The following DHRS12 variants were observed in gnomAD, a reference collection of about 807,000 sequenced individuals.
The protein encoded by DHRS12 is dehydrogenase/reductase 12, also known as dehydrogenase/reductase SDR family member 12.
A neutral mutation model predicts 32.1 loss-of-function variants in DHRS12; 29 were observed. The observed-to-expected ratio is 0.90, with a 90% CI of 0.67 to 1.23. DHRS12 has a LOEUF of 1.23. DHRS12 is among the 50% of genes most tolerant of loss of function. The pLI, the probability that DHRS12 is intolerant of heterozygous loss-of-function variation, is 0.00. For synonymous variants in DHRS12, 150 were observed against 135.9 expected (o/e 1.10, Z -0.72); for missense variants, 330 against 337.2 (o/e 0.98, Z 0.17).
At chr13:51,796,859 T>A (rs546141485) in intron 2 of DHRS12, among the ~76,000 whole-genome samples, 1 of 152,206 alleles carries the variant, frequency 6.6e-6, no homozygotes, top group Non-Finnish European at 1.5e-5. Context: ...CCTGATGGCA[T>A]GAGACTGGGG....
the DHRS12 span, chr13:51,761,472 T>C: frequency 6.6e-6 from 1 of 152,148 alleles, no homozygotes; most frequent in African/African-American, 2.4e-5. Flanking sequence ...AGCTCACCAG[T>C]CTCTTGAGGA....
At chr13:51,803,985 C>A in intron 1 of DHRS12, 69 bp downstream of exon 1, 1 of 1,355,938 alleles carries the variant, frequency 7.4e-7, no homozygotes, top group Non-Finnish European at 9.5e-7. Context: ...TCCCCGCCAA[C>A]CCTGCTCGCC....
chr13:51,795,643 C>A (rs539642800), intron 2 of DHRS12, among the ~76,000 whole-genome samples: 1 of 152,284 alleles, frequency 6.6e-6, no homozygotes, highest in Admixed American at 6.5e-5. Context: ...GAAACTACCA[C>A]CAGCCCTAGG....
chr13:51,783,756 G>A (rs1014332940), intron 4 of DHRS12, among the ~76,000 whole-genome samples: 2 of 152,182 alleles, frequency 1.3e-5, no homozygotes, highest in African/African-American at 4.8e-5. Flanking sequence ...ATCACAGTCT[G>A]CACCCCTTGG....
chr13:51,768,104 G>T lies in DHRS12; in HGVS notation c.*83C>A. ...CGTCTTCGAGGGGAAGTTGAAGTGG[G>T]GTCTTCTTATTCACTGGTCCCTAGA... On this transcript the variant is annotated 3_prime_UTR_variant, in exon 9 of 9. Transcript: ENST00000444610. The T allele has an allele frequency of 1.6e-5, 24 of 1,508,902 alleles. No individual in the cohort carries two copies. Among genetic ancestry groups the T allele is most frequent in the Non-Finnish European group, 1.9e-5 (22 of 1,134,026 alleles). 93.5% of individuals were successfully genotyped at this position (1,508,902 alleles called of 1,614,324 possible). A position where few individuals can be genotyped will look rare whatever the true frequency, so the allele number is the denominator to read the frequency against.
chr13:51,771,199 C>T (rs936949327), intron 7 of DHRS12: 7 of 1,549,822 alleles, frequency 4.5e-6, no homozygotes, highest in East Asian at 4.9e-5. Context: ...CTTGGCGCCG[C>T]GGGTGCACCC....
At chr13:51,797,809 G>A (rs1955575813) in intron 2 of DHRS12, 3 of 1,534,136 alleles carry the variant, frequency 2.0e-6, no homozygotes, top group African/African-American at 1.4e-5. Context: ...CAGCAGGAGG[G>A]GTGAGGAGCT....
At chr13:51,755,716 C>T in the DHRS12 span, among the ~76,000 whole-genome samples, 1 of 152,176 alleles carries the variant, frequency 6.6e-6, no homozygotes, top group Non-Finnish European at 1.5e-5. Context: ...TTGCAGTGCA[C>T]CTTACAATTA....
intron 2 of DHRS12, among the ~76,000 whole-genome samples, chr13:51,793,489 G>A (rs1955374164): frequency 6.6e-6 from 1 of 152,186 alleles, no homozygotes; most frequent in South Asian, 2.1e-4. Flanking sequence ...TTTCTCACCT[G>A]AGACAAATGA....
chr13:51,760,104 T>C, the DHRS12 span: 1 of 225,680 alleles, frequency 4.4e-6, no homozygotes. Flanking sequence ...ACTTGTTGCT[T>C]TGTCAGAGAA....
chr13:51,758,117 C>T, the DHRS12 span: 4 of 1,227,318 alleles, frequency 3.3e-6, no homozygotes, highest in Admixed American at 5.6e-5. Flanking sequence ...AATTTAGAGC[C>T]TAATGTCATC....
chr13:51,768,502 T>A, intron 8 of DHRS12: 1 of 1,417,956 alleles, frequency 7.1e-7, no homozygotes, highest in Non-Finnish European at 9.2e-7. Context: ...ACTGGGAGGC[T>A]GCAGCCAGGG....
At chr13:51,797,486 C>T (rs1284015689) in intron 2 of DHRS12, among the ~76,000 whole-genome samples, 3 of 152,184 alleles carry the variant, frequency 2.0e-5, no homozygotes, top group Non-Finnish European at 4.4e-5. Context: ...TCCGTGGCAC[C>T]CGGGTGACCC....
chr13:51,801,641 G>A (rs1955760067), intron 1 of DHRS12, among the ~76,000 whole-genome samples: 1 of 152,118 alleles, frequency 6.6e-6, no homozygotes, highest in African/African-American at 2.4e-5. Context: ...AAACACAGAC[G>A]TGAGCCCTGG....
chr13:51,793,370 T>C (rs1461731769), intron 2 of DHRS12, among the ~76,000 whole-genome samples: 1 of 152,192 alleles, frequency 6.6e-6, no homozygotes, highest in Non-Finnish European at 1.5e-5. Flanking sequence ...CCACAACTCC[T>C]TTGACAAAGC....
Position 51,804,093 on chromosome 13 carries a change from C to G in DHRS12, c.-48G>C, listed in dbSNP as rs957644774. On this transcript the variant is annotated 5_prime_UTR_variant, in exon 1 of 9. Transcript: ENST00000444610. ...CAGCCCCTTGGCGAACCACACGACG[C>G]TGCGGTACAGGGACATGCCGGGAGC... 1 of 1,495,098 alleles carries G rather than the reference C, an allele frequency of 6.7e-7. No homozygotes were observed. Among genetic ancestry groups the G allele is most frequent in the African/African-American group, 1.4e-5 (1 of 69,152 alleles). The allele number at this position is 1,495,098 out of a possible 1,614,324, so 92.6% of individuals were successfully genotyped here.
intron 4 of DHRS12, among the ~76,000 whole-genome samples, chr13:51,787,140 G>A (rs1047159650): frequency 2.0e-5 from 3 of 152,094 alleles, no homozygotes; most frequent in African/African-American, 7.2e-5. Context: ...GAATTATTAC[G>A]CTTCTCAGAG....
the DHRS12 span, chr13:51,761,181 T>C: frequency 6.6e-6 from 1 of 152,204 alleles, no homozygotes; most frequent in Non-Finnish European, 1.5e-5. Context: ...GACAGAATGG[T>C]ACCTACAGTG....
intron 2 of DHRS12, chr13:51,798,055 A>G (rs1955588002): frequency 5.2e-6 from 4 of 768,816 alleles, no homozygotes; most frequent in Non-Finnish European, 6.3e-6. Context: ...AAGAGCAGCA[A>G]GGGCGATGGT....
Sources: allele counts gnomAD v4.1 joint callset (sites outside exome capture counted in the v4.1 genomes callset), GRCh38; gene constraint gnomAD v4.1.1; transcripts MANE v1.5; gene names NCBI Gene and HGNC (gene_info 2026-07-23, HGNC 2026-07-21).